SPIRE1: variants seen among roughly 807,000 people sequenced by gnomAD.
The protein encoded by SPIRE1 is protein spire homolog 1.
Under a neutral mutation model 94.1 loss-of-function variants are expected in SPIRE1, and 40 were observed. The ratio of observed to expected loss-of-function variants is 0.43; its 90% CI spans 0.33 to 0.55. The LOEUF is 0.55. SPIRE1 is among the 20% of genes least tolerant of loss of function. The pLI is 0.06. For synonymous variants in SPIRE1, 376 were observed against 371.7 expected, an observed-to-expected ratio of 1.01 and a Z score of -0.13; for missense variants, 838 against 975.2, an observed-to-expected ratio of 0.86 and a Z score of 1.87.
At chr18:12,521,141 C>T (rs1468948116) in intron 4 of SPIRE1, among the ~76,000 whole-genome samples, 2 of 152,084 alleles carry the variant, frequency 1.3e-5, no homozygotes, top group Non-Finnish European at 2.9e-5. Flanking sequence ...CTGTTTTTCC[C>T]CCAGCAAAAG....
chr18:12,631,908 G>T (rs35088220), intron 2 of SPIRE1, among the ~76,000 whole-genome samples: 4,842 of 152,054 alleles, frequency 0.032, 145 homozygotes, highest in East Asian at 0.091. Context: ...GTCCAGGTGT[G>T]GTGACATGCA....
At chr18:12,470,703 A>C (rs2032322014) in intron 10 of SPIRE1, among the ~76,000 whole-genome samples, 1 of 152,150 alleles carries the variant, frequency 6.6e-6, no homozygotes, top group African/African-American at 2.4e-5. Context: ...TGTCTATTCC[A>C]ACTGCCTAAT....
At chr18:12,460,343 C>T (rs2031732259) in intron 12 of SPIRE1, among the ~76,000 whole-genome samples, 1 of 152,120 alleles carries the variant, frequency 6.6e-6, no homozygotes, top group Admixed American at 6.5e-5. Context: ...GGCATTTGCC[C>T]TCGGTTATTT....
intron 13 of SPIRE1, 45 bp from the exon 14 acceptor site, chr18:12,453,183 A>G: frequency 1.5e-6 from 2 of 1,350,472 alleles, no homozygotes; most frequent in Non-Finnish European, 2.1e-6. Context: ...TGCCAACAGC[A>G]AATTTCCTAA....
At chr18:12,550,122 G>C (rs1420893520) in intron 2 of SPIRE1, among the ~76,000 whole-genome samples, 1 of 152,076 alleles carries the variant, frequency 6.6e-6, no homozygotes, top group Non-Finnish European at 1.5e-5. Context: ...TGGAGGAGTA[G>C]GTCTTCTATT....
chr18:12,464,364 T>C (rs2032002835), intron 11 of SPIRE1, among the ~76,000 whole-genome samples: 1 of 152,224 alleles, frequency 6.6e-6, no homozygotes, highest in Non-Finnish European at 1.5e-5. Flanking sequence ...TAATTTTTAA[T>C]ACTTCATAAT....
At chr18:12,575,549 T>C (rs1236434430) in intron 2 of SPIRE1, among the ~76,000 whole-genome samples, 1 of 152,162 alleles carries the variant, frequency 6.6e-6, no homozygotes, top group African/African-American at 2.4e-5. Flanking sequence ...GGTCTTGCTA[T>C]GTTACCCAGG....
chr18:12,493,105 C>T lies in SPIRE1; in HGVS notation c.1156G>A (p.Val386Ile), dbSNP rs2033300845. 1.2e-6 allele frequency: 2 copies of T among 1,613,454 alleles called. No homozygotes were observed. The highest frequency in any genetic ancestry group is 1.7e-6 in the Non-Finnish European group (2 of 1,179,916). The change falls in exon 8 of 17, where the codon GTA (valine) becomes ATA (isoleucine). Residue 386 changes from valine to isoleucine, a missense_variant. By Grantham distance (29) the Val-to-Ile change is conservative (BLOSUM62 3). Transcript: ENST00000409402. ...EIKAERKLRP[V>I]SPEEIRRSRL... is the part of the protein sequence containing the mutation. ...CTACGTCTAATCTCCTCTGGTGATA[C>T]AGGCCGCAGCTTTCTTTCTGCTTTA...
chr18:12,450,526 T>G (rs2031181014), intron 16 of SPIRE1: 1 of 551,968 alleles, frequency 1.8e-6, no homozygotes, highest in Non-Finnish European at 3.2e-6. Context: ...GAGAAGAACA[T>G]AAGAAGAAGA....
intron 1 of SPIRE1, among the ~76,000 whole-genome samples, chr18:12,649,808 C>T (rs1356785089): frequency 6.6e-6 from 1 of 152,220 alleles, no homozygotes; most frequent in African/African-American, 2.4e-5. Flanking sequence ...ATTCTTTCTA[C>T]TGTTTCCCTC....
chr18:12,480,115 C>T (rs1020102012), intron 9 of SPIRE1, among the ~76,000 whole-genome samples: 1 of 152,178 alleles, frequency 6.6e-6, no homozygotes, highest in Non-Finnish European at 1.5e-5. Context: ...AGGAATCCTA[C>T]AGATAACTGA....
At chr18:12,572,476 G>A (rs2035981391) in intron 2 of SPIRE1, among the ~76,000 whole-genome samples, 1 of 152,018 alleles carries the variant, frequency 6.6e-6, no homozygotes, top group African/African-American at 2.4e-5. Flanking sequence ...CCCAGGCATG[G>A]TGGCATGCAC....
At chr18:12,510,574 CCT>C (rs2034004592) in intron 5 of SPIRE1, among the ~76,000 whole-genome samples, 1 of 151,420 alleles carries the variant, frequency 6.6e-6, no homozygotes. Context: ...ACAGAGTCTC[CCT>C]CTGTCGCCCA....
At chr18:12,556,590 T>C (rs2035513139) in intron 2 of SPIRE1, among the ~76,000 whole-genome samples, 2 of 152,316 alleles carry the variant, frequency 1.3e-5, no homozygotes, top group African/African-American at 2.4e-5. Context: ...GTTCATGGTC[T>C]TGCTGGCTTC....
chr18:12,644,315 A>C (rs1567988065), intron 1 of SPIRE1, among the ~76,000 whole-genome samples: 1 of 152,172 alleles, frequency 6.6e-6, no homozygotes, highest in African/African-American at 2.4e-5. Context: ...CAACAGTTCA[A>C]ATATTTCATC....
chr18:12,633,205 T>TTGA, intron 2 of SPIRE1, among the ~76,000 whole-genome samples: 1 of 152,324 alleles, frequency 6.6e-6, no homozygotes, highest in South Asian at 2.1e-4. Flanking sequence ...TTGTGTCATG[T>TTGA]TGAATAGTAT....
At chr18:12,617,900 C>A (rs529467683) in intron 2 of SPIRE1, among the ~76,000 whole-genome samples, 1 of 152,130 alleles carries the variant, frequency 6.6e-6, no homozygotes, top group African/African-American at 2.4e-5. Context: ...CAAAACTGAA[C>A]ATTTAGAGGA....
At chr18:12,582,333 A>G (rs1431802935) in intron 2 of SPIRE1, among the ~76,000 whole-genome samples, 1 of 152,208 alleles carries the variant, frequency 6.6e-6, no homozygotes, top group Non-Finnish European at 1.5e-5. Context: ...AGTAGAAATT[A>G]TTATTTGAGA....
At chr18:12,464,731 T>C in intron 11 of SPIRE1, 137 bp downstream of exon 11, 1 of 651,962 alleles carries the variant, frequency 1.5e-6, no homozygotes, top group South Asian at 2.0e-5. Context: ...AAGTATTTCA[T>C]CTCCCGATCA....
Sources: allele counts gnomAD v4.1 joint callset (sites outside exome capture counted in the v4.1 genomes callset), GRCh38; gene constraint gnomAD v4.1.1; transcripts MANE v1.5; gene names NCBI Gene and HGNC (gene_info 2026-07-23, HGNC 2026-07-21).